Variants in KAZN observed in about 807,000 individuals in gnomAD.
The protein encoded by KAZN is kazrin, periplakin interacting protein, also known as kazrin.
A neutral mutation model predicts 87.4 loss-of-function variants in KAZN; 40 were observed. The ratio of observed to expected loss-of-function variants is 0.46; its 90% CI spans 0.36 to 0.60. The LOEUF (loss-of-function observed/expected upper bound fraction) is 0.60, where lower values mean the gene tolerates loss of function less well. Ranked by LOEUF, KAZN falls within the 20% of genes least tolerant of loss-of-function variation. The pLI is 0.00. For synonymous variants in KAZN, 466 were observed against 458.3 expected (o/e 1.02, Z -0.22); for missense variants, 898 against 1,073.9 (o/e 0.84, Z 2.29).
chr1:14,627,458 A>T (rs1205057869), intron 1 of KAZN, among the ~76,000 whole-genome samples: 2 of 152,042 alleles, frequency 1.3e-5, no homozygotes, highest in Admixed American at 1.3e-4. Flanking sequence ...CCGAGGAGGC[A>T]TGTCTGCACA....
chr1:14,097,393 C>T (rs2101634647), intron 1 of KAZN, among the ~76,000 whole-genome samples: 2 of 152,234 alleles, frequency 1.3e-5, no homozygotes, highest in Middle Eastern at 6.8e-3. Flanking sequence ...CTGCCTTTTC[C>T]CCACTCCCTG....
chr1:14,234,111 G>A (rs1345165116), intron 2 of KAZN, among the ~76,000 whole-genome samples: 2 of 152,252 alleles, frequency 1.3e-5, no homozygotes, highest in Middle Eastern at 3.4e-3. Flanking sequence ...TATGTTTATT[G>A]CAGCACTGTT....
intron 2 of KAZN, among the ~76,000 whole-genome samples, chr1:14,198,451 T>A (rs1570994121): frequency 1.3e-5 from 2 of 152,044 alleles, no homozygotes; most frequent in East Asian, 3.9e-4. Context: ...AATATAAAAA[T>A]TAGCTGGGCA....
chr1:14,004,869 G>C (rs936159870), intron 1 of KAZN, among the ~76,000 whole-genome samples: 4 of 152,112 alleles, frequency 2.6e-5, no homozygotes, highest in African/African-American at 9.7e-5. Context: ...TATCACGGGG[G>C]TGGGGAACTG....
At chr1:14,981,441 A>G (rs1419638919) in intron 2 of KAZN, among the ~76,000 whole-genome samples, 4 of 152,238 alleles carry the variant, frequency 2.6e-5, no homozygotes, top group Admixed American at 2.6e-4. Context: ...GGAAAAAGGT[A>G]CCCACTCTGT....
intron 2 of KAZN, among the ~76,000 whole-genome samples, chr1:14,246,560 A>G (rs1419374262): frequency 6.6e-6 from 1 of 152,194 alleles, no homozygotes; most frequent in Non-Finnish European, 1.5e-5. Flanking sequence ...CACTTATGAA[A>G]GATACAAAAA....
chr1:13,981,670 A>T (rs1251962053), intron 1 of KAZN, among the ~76,000 whole-genome samples: 1 of 152,252 alleles, frequency 6.6e-6, no homozygotes, highest in Non-Finnish European at 1.5e-5. Flanking sequence ...AACCTGTGAC[A>T]AAGCAAGAGG....
chr1:14,510,001 G>A (rs1033151314), intron 2 of KAZN, among the ~76,000 whole-genome samples: 20 of 108,818 alleles, frequency 1.8e-4, no homozygotes, highest in Non-Finnish European at 4.1e-4. Context: ...AGTGTTGCTG[G>A]GGCAAGTTAC....
intron 2 of KAZN, among the ~76,000 whole-genome samples, chr1:14,371,314 G>C (rs1197263600): frequency 6.6e-6 from 1 of 152,148 alleles, no homozygotes; most frequent in Non-Finnish European, 1.5e-5. Flanking sequence ...CGTCTCTTGA[G>C]TTCTTCACTG....
intron 2 of KAZN, among the ~76,000 whole-genome samples, chr1:14,233,011 C>T (rs1648013582): frequency 2.0e-5 from 3 of 152,182 alleles, no homozygotes; most frequent in Admixed American, 2.0e-4. Flanking sequence ...ACATTGTAAG[C>T]ATCATCAAAT....
chr1:14,607,112 T>C (rs758674988), intron 1 of KAZN, among the ~76,000 whole-genome samples: 19 of 152,176 alleles, frequency 1.2e-4, no homozygotes, highest in Non-Finnish European at 2.6e-4. Context: ...GAATACTAAA[T>C]GATGGGGTGT....
At chr1:14,775,096 A>G (rs1443192448) in intron 1 of KAZN, among the ~76,000 whole-genome samples, 1 of 152,162 alleles carries the variant, frequency 6.6e-6, no homozygotes, top group Non-Finnish European at 1.5e-5. Context: ...GGTGTTTACA[A>G]TAGACAGTGC....
chr1:14,350,133 C>CA (rs111546286), intron 2 of KAZN, among the ~76,000 whole-genome samples: 37,622 of 100,208 alleles, frequency 0.38, 6,796 homozygotes, highest in East Asian at 0.48. Context: ...GACTCCATCT[C>CA]AAAAAAAAAA....
At chr1:14,624,286 G>C (rs1678932538) in intron 1 of KAZN, among the ~76,000 whole-genome samples, 1 of 152,154 alleles carries the variant, frequency 6.6e-6, no homozygotes, top group Non-Finnish European at 1.5e-5. Context: ...GCCAGGCTTG[G>C]TGGCATGTGC....
chr1:14,629,063 T>A (rs1572084775), intron 1 of KAZN, among the ~76,000 whole-genome samples: 1 of 152,152 alleles, frequency 6.6e-6, no homozygotes, highest in East Asian at 1.9e-4. Flanking sequence ...GCCAGGCTGG[T>A]CTTGAACTCC....
intron 2 of KAZN, among the ~76,000 whole-genome samples, chr1:14,344,294 A>G (rs1657955216): frequency 6.6e-6 from 1 of 151,894 alleles, no homozygotes; most frequent in African/African-American, 2.4e-5. Flanking sequence ...ATGTGCTGGA[A>G]TTATAAAATA....
At chr1:14,548,157 C>G (rs1441694646) in intron 2 of KAZN, among the ~76,000 whole-genome samples, 1 of 151,696 alleles carries the variant, frequency 6.6e-6, no homozygotes, top group Non-Finnish European at 1.5e-5. Flanking sequence ...CTGCAGGCCA[C>G]CGATTTGTAC....
At chr1:14,254,365 G>T (rs1178217242) in intron 2 of KAZN, among the ~76,000 whole-genome samples, 1 of 152,124 alleles carries the variant, frequency 6.6e-6, no homozygotes, top group African/African-American at 2.4e-5. Context: ...GATCATCTCT[G>T]GTATTTATGA....
intron 1 of KAZN, among the ~76,000 whole-genome samples, chr1:14,871,595 A>G (rs1652136613): frequency 6.6e-6 from 1 of 152,024 alleles, no homozygotes; most frequent in African/African-American, 2.4e-5. Flanking sequence ...CAACTCCCAC[A>G]GCCTGAACTA....
Sources: gnomAD v4.1 joint callset for allele counts (sites outside exome capture counted in the v4.1 genomes callset) on GRCh38, gnomAD v4.1.1 for gene constraint, MANE v1.5 for transcripts, NCBI Gene and HGNC (gene_info 2026-07-23, HGNC 2026-07-21) for gene names.